The following XKR4 variants were observed in gnomAD, a reference collection of about 807,000 sequenced individuals.
XKR4 encodes the protein XK-related protein 4.
A neutral mutation model predicts 53.9 loss-of-function variants in XKR4; 12 were observed. That is an observed-to-expected ratio of 0.22 (90% CI 0.14 to 0.36). XKR4 has a LOEUF of 0.36. Ranked by LOEUF, XKR4 falls within the 10% of genes least tolerant of loss-of-function variation. XKR4 has a pLI of 1.00. For missense variants in XKR4, 799 were observed against 859.5 expected, an observed-to-expected ratio of 0.93 and a Z score of 0.88; for synonymous variants, 354 against 362.4, an observed-to-expected ratio of 0.98 and a Z score of 0.26.
rs12548080 is a variant in XKR4 at position 55,240,191 on chromosome 8, C to T, written c.807-117487C>T. Among the ~76,000 whole-genome samples, 1,199 of 152,238 alleles carry T rather than the reference C, an allele frequency of 7.9e-3. 36 individuals carry two copies. Among genetic ancestry groups the T allele is most frequent in the East Asian group, 0.041 (215 of 5,188 alleles). On this transcript the variant is annotated intron_variant, in intron 1 of 2. Transcript: ENST00000327381. The stretch of plus-strand genomic sequence containing the variant: ...TCATATCCTTTTCTAACAATGAATT[C>T]TCACAAGCCAGCCAATTAGAATACA...
At chr8:55,318,647 C>G (rs780379993) in intron 1 of XKR4, among the ~76,000 whole-genome samples, 2 of 152,164 alleles carry the variant, frequency 1.3e-5, no homozygotes, top group African/African-American at 2.4e-5. Context: ...ACTACCCTAA[C>G]ATTACAATGA....
intron 2 of XKR4, among the ~76,000 whole-genome samples, chr8:55,475,655 G>T (rs1375273260): frequency 1.3e-5 from 2 of 151,694 alleles, no homozygotes; most frequent in Non-Finnish European, 2.9e-5. Context: ...CTAGGCTGGA[G>T]TGCAGTGGCA....
intron 1 of XKR4, among the ~76,000 whole-genome samples, chr8:55,201,452 G>A (rs559622327): frequency 9.5e-4 from 145 of 152,324 alleles, no homozygotes; most frequent in African/African-American, 3.3e-3. Context: ...CTAGACTGGA[G>A]AGTAATTTAA....
At chr8:55,127,031 A>G (rs58800725) in intron 1 of XKR4, among the ~76,000 whole-genome samples, 5,260 of 152,288 alleles carry the variant, frequency 0.035, 293 homozygotes, top group African/African-American at 0.12. Flanking sequence ...CAGAAAACTA[A>G]TCATACATAG....
At chr8:55,493,307 T>C (rs1806296986) in intron 2 of XKR4, among the ~76,000 whole-genome samples, 1 of 152,200 alleles carries the variant, frequency 6.6e-6, no homozygotes, top group Admixed American at 6.5e-5. Context: ...ATACAGCATG[T>C]GAGCTCCAGA....
chr8:55,502,364 C>T (rs1806457730), intron 2 of XKR4, among the ~76,000 whole-genome samples: 1 of 140,378 alleles, frequency 7.1e-6, no homozygotes, highest in Admixed American at 7.6e-5. Flanking sequence ...TATTTCTTCA[C>T]ATTCTCACCA....
chr8:55,301,481 C>T (rs542557982), intron 1 of XKR4, among the ~76,000 whole-genome samples: 9 of 152,112 alleles, frequency 5.9e-5, no homozygotes, highest in Admixed American at 2.6e-4. Context: ...TTTATAGCAG[C>T]ATGATTTATA....
intron 1 of XKR4, among the ~76,000 whole-genome samples, chr8:55,163,796 G>A (rs575452266): frequency 1.0e-3 from 157 of 152,228 alleles, no homozygotes; most frequent in African/African-American, 3.5e-3. Context: ...AGTGAGCTGC[G>A]ATCGTGCCAC....
chr8:55,103,339 A>T lies in XKR4; in HGVS notation c.806+45A>T, dbSNP rs371407502. ...AAAAGGGAGGCTTGCTGCTGCTACT[A>T]CATCCCCACTGCTTTGCTTTTGCAC... On this transcript the variant is annotated intron_variant, in intron 1 of 2. Transcript: ENST00000327381. The T allele has an allele frequency of 1.9e-6, 3 of 1,548,552 alleles. No individual in the cohort carries two copies. The East Asian group carries it at 6.8e-5, about 35-fold the overall frequency.
intron 2 of XKR4, among the ~76,000 whole-genome samples, chr8:55,474,778 T>C (rs1246815378): frequency 7.2e-5 from 11 of 152,154 alleles, no homozygotes; most frequent in Admixed American, 7.2e-4. Flanking sequence ...GGAGGAACCA[T>C]GCACCCAATG....
chr8:55,393,116 G>C (rs1053716958), intron 2 of XKR4, among the ~76,000 whole-genome samples: 3 of 152,014 alleles, frequency 2.0e-5, no homozygotes, highest in African/African-American at 4.8e-5. Context: ...AATGGATGAA[G>C]CCATTTGATG....
At chr8:55,510,037 C>T (rs1806603802) in intron 2 of XKR4, among the ~76,000 whole-genome samples, 1 of 152,192 alleles carries the variant, frequency 6.6e-6, no homozygotes. Context: ...AGAGCAGAAC[C>T]TACTTGGGCT....
chr8:55,270,867 G>T (rs1460442385), intron 1 of XKR4, among the ~76,000 whole-genome samples: 3 of 152,144 alleles, frequency 2.0e-5, no homozygotes, highest in African/African-American at 4.8e-5. Context: ...GGGGTGAAAG[G>T]CATATAAAAT....
intron 2 of XKR4, among the ~76,000 whole-genome samples, chr8:55,510,565 G>C (rs1806611251): frequency 6.6e-6 from 1 of 152,076 alleles, no homozygotes. Context: ...TGGGAATGAA[G>C]AGGAGTCCAC....
chr8:55,339,925 T>C (rs1193862612), intron 1 of XKR4, among the ~76,000 whole-genome samples: 5 of 152,256 alleles, frequency 3.3e-5, no homozygotes, highest in Non-Finnish European at 7.3e-5. Flanking sequence ...CGGTTGGATT[T>C]TCCTCTATGA....
At chr8:55,481,951 C>G (rs1294231254) in intron 2 of XKR4, among the ~76,000 whole-genome samples, 1 of 152,164 alleles carries the variant, frequency 6.6e-6, no homozygotes, top group African/African-American at 2.4e-5. Flanking sequence ...GTTGGTGGGA[C>G]TGTAATCTAG....
chr8:55,288,201 C>T (rs1818934546), intron 1 of XKR4, among the ~76,000 whole-genome samples: 1 of 152,164 alleles, frequency 6.6e-6, no homozygotes, highest in Admixed American at 6.5e-5. Flanking sequence ...AATGTGTCTC[C>T]ACCAAGGGGA....
chr8:55,500,333 C>G (rs949583623), intron 2 of XKR4, among the ~76,000 whole-genome samples: 1 of 152,052 alleles, frequency 6.6e-6, no homozygotes, highest in Non-Finnish European at 1.5e-5. Flanking sequence ...GTATTGAAAG[C>G]CATATTCTTT....
chr8:55,252,662 A>G (rs1039207506), intron 1 of XKR4, among the ~76,000 whole-genome samples: 1 of 152,248 alleles, frequency 6.6e-6, no homozygotes, highest in East Asian at 1.9e-4. Context: ...TCCCCAGGAT[A>G]CACTGCCTCG....
Sources: allele counts gnomAD v4.1 joint callset (sites outside exome capture counted in the v4.1 genomes callset), GRCh38; gene constraint gnomAD v4.1.1; transcripts MANE v1.5; gene names NCBI Gene and HGNC (gene_info 2026-07-23, HGNC 2026-07-21).